Variants in DDX4 observed in about 807,000 individuals in gnomAD.
DDX4 encodes DEAD-box helicase 4, also known as probable ATP-dependent RNA helicase DDX4.
Under a neutral mutation model 100.0 loss-of-function variants are expected in DDX4, and 25 were observed. The ratio of observed to expected loss-of-function variants is 0.25; its 90% CI spans 0.18 to 0.35. DDX4 has a LOEUF of 0.35. Among genes scored for constraint, DDX4 ranks in the 10% least tolerant of loss-of-function variants. DDX4 has a pLI of 1.00. For missense variants in DDX4, 635 were observed against 882.4 expected (o/e 0.72, Z 3.55); for synonymous variants, 259 against 275.7 (o/e 0.94, Z 0.60).
At chr5:55,748,139 A>G (rs1224394911) in intron 3 of DDX4, among the ~76,000 whole-genome samples, 1 of 152,222 alleles carries the variant, frequency 6.6e-6, no homozygotes, top group East Asian at 1.9e-4. Flanking sequence ...AAATATGTTT[A>G]TCTTTTATAA....
intron 7 of DDX4, among the ~76,000 whole-genome samples, chr5:55,778,584 A>G (rs1741711176): frequency 6.6e-6 from 1 of 152,210 alleles, no homozygotes; most frequent in Admixed American, 6.5e-5. Flanking sequence ...ATATGTCAAC[A>G]AAGTTGAATA....
intron 3 of DDX4, among the ~76,000 whole-genome samples, chr5:55,754,800 T>C (rs1428709256): frequency 1.7e-4 from 25 of 150,798 alleles, no homozygotes; most frequent in African/African-American, 5.9e-4. Context: ...ATCCATCTGG[T>C]CCTGGACTCT....
At chr5:55,793,687 C>T (rs1355997986) in intron 17 of DDX4, among the ~76,000 whole-genome samples, 1 of 152,172 alleles carries the variant, frequency 6.6e-6, no homozygotes, top group African/African-American at 2.4e-5. Context: ...TGCTTGCTCT[C>T]CTGGATTCCC....
intron 17 of DDX4, among the ~76,000 whole-genome samples, chr5:55,794,773 A>G (rs1742817018): frequency 6.6e-6 from 1 of 151,388 alleles, no homozygotes; most frequent in African/African-American, 2.4e-5. Context: ...TTGCTTCCTG[A>G]CTCTCCCTCA....
intron 2 of DDX4, among the ~76,000 whole-genome samples, chr5:55,744,307 A>G (rs1759136409): frequency 6.6e-6 from 1 of 152,226 alleles, no homozygotes; most frequent in Non-Finnish European, 1.5e-5. Context: ...GTTGTAATAT[A>G]GTTAGTTGAT....
chr5:55,765,421 T>A lies in DDX4; in HGVS notation c.334+1357T>A, dbSNP rs1325463478. ...AAAAAAAAAAAAAAAAAAATATATA[T>A]ATATATATATATATATGGATTGAAT... On this transcript the variant is annotated intron_variant, in intron 6 of 21. Coordinates refer to ENST00000505374, the MANE Select transcript of DDX4 (RefSeq NM_024415.3). Among the ~76,000 whole-genome samples, 26 of 140,694 alleles carry A rather than the reference T, an allele frequency of 1.8e-4. 1 individual carries two copies. The South Asian group carries it at 5.4e-3, about 29-fold the overall frequency. 92.3% of individuals were successfully genotyped at this position (140,694 alleles called of 152,430 possible). A position where few individuals can be genotyped will look rare whatever the true frequency, so the allele number is the denominator to read the frequency against.
intron 7 of DDX4, among the ~76,000 whole-genome samples, chr5:55,776,103 G>A (rs181241970): frequency 4.6e-5 from 7 of 152,232 alleles, no homozygotes; most frequent in African/African-American, 1.7e-4. Context: ...CTGGGTGACC[G>A]AACGAGACTC....
intron 1 of DDX4, 27 bp downstream of exon 1, chr5:55,738,128 C>T (rs984067719): frequency 6.6e-6 from 1 of 152,324 alleles, no homozygotes; most frequent in Middle Eastern, 3.2e-3. Flanking sequence ...TCTACGGGAA[C>T]TGGCCTGAAC....
rs987179934 is a variant in DDX4 at position 55,801,858 on chromosome 5, C to G, written c.1615+3287C>G. Among the ~76,000 whole-genome samples, 7 of 152,176 alleles carry G rather than the reference C, an allele frequency of 4.6e-5. No homozygotes were observed. In the South Asian group the frequency reaches 1.2e-3, roughly 27 times the overall value. On this transcript the variant is annotated intron_variant, in intron 18 of 21. Coordinates refer to ENST00000505374, the MANE Select transcript of DDX4 (RefSeq NM_024415.3). ...TAGGAAACTAAGTCTCAGAAACTCT[C>G]TCTACTAGGTTTCACCTGCAGTACC... is the stretch of plus-strand genomic sequence containing the variant.
chr5:55,739,774 G>A (rs1006118935), intron 2 of DDX4, among the ~76,000 whole-genome samples: 2 of 152,062 alleles, frequency 1.3e-5, no homozygotes, highest in African/African-American at 4.8e-5. Flanking sequence ...TATAAAATAT[G>A]CAATCTTTTG....
intron 18 of DDX4, among the ~76,000 whole-genome samples, chr5:55,811,998 G>T (rs577773411): frequency 1.8e-4 from 27 of 151,802 alleles, no homozygotes; most frequent in East Asian, 3.9e-4. Context: ...AGATGTTTTG[G>T]TTTTTTTTAA....
At chr5:55,738,849 G>A (rs746702715) in intron 1 of DDX4, 101 bp from the exon 2 acceptor site, 2 of 750,230 alleles carry the variant, frequency 2.7e-6, no homozygotes, top group Non-Finnish European at 2.3e-6. Flanking sequence ...CACCTAGTTG[G>A]GTAGTTTCAA....
chr5:55,780,006 G>A lies in DDX4; in HGVS notation c.437G>A (p.Arg146Lys), dbSNP rs1408676830. 1 of 1,614,024 alleles carries A rather than the reference G, an allele frequency of 6.2e-7. No individual in the cohort carries two copies. The highest frequency in any genetic ancestry group is 1.1e-5 in the South Asian group (1 of 91,064). Residue 146 changes from arginine (R) to lysine (K), a missense_variant, in exon 8 of 22, where the codon AGA (arginine) becomes AAA (lysine). Coordinates refer to ENST00000505374, the MANE Select transcript of DDX4 (RefSeq NM_024415.3). ...AATTCAGAAGCTTCAGGGCCATACA[G>A]AAGAGGTGGAAGAGGTAGTTTCCGA... ...GNNSEASGPYRRGGRGSFRGC... is the reference protein window; with the variant it reads ...GNNSEASGPYKRGGRGSFRGC...
At chr5:55,801,261 T>C (rs1246699030) in intron 18 of DDX4, among the ~76,000 whole-genome samples, 2 of 149,968 alleles carry the variant, frequency 1.3e-5, no homozygotes, top group African/African-American at 4.9e-5. Context: ...TTTTTAAAGC[T>C]CATCAGCTAT....
chr5:55,775,041 T>C (rs1741475356), intron 7 of DDX4, among the ~76,000 whole-genome samples: 1 of 152,198 alleles, frequency 6.6e-6, no homozygotes, highest in South Asian at 2.1e-4. Flanking sequence ...TTAACCCTGG[T>C]CTTTGGTAAC....
intron 1 of DDX4, 86 bp downstream of exon 1, chr5:55,738,187 G>GGAGTAGGAGGAGTTT (rs1580496745): frequency 6.6e-6 from 1 of 152,284 alleles, no homozygotes; most frequent in African/African-American, 2.4e-5. Context: ...AAGTGTGGAT[G>GGAGTAGGAGGAGTTT]GAGTAGGAGG....
chr5:55,796,888 C>G (rs1041006109), intron 17 of DDX4, among the ~76,000 whole-genome samples: 29 of 125,672 alleles, frequency 2.3e-4, no homozygotes, highest in Admixed American at 9.2e-5. Flanking sequence ...CTCGCCCAGG[C>G]TGAAGTTCAG....
intron 2 of DDX4, among the ~76,000 whole-genome samples, chr5:55,745,553 C>T (rs1438078974): frequency 2.0e-5 from 3 of 152,130 alleles, no homozygotes; most frequent in African/African-American, 7.2e-5. Context: ...TCCCGAGTAG[C>T]TGGGACTACA....
At chr5:55,765,413 A>AATATATATATATATAT (rs397997793) in intron 6 of DDX4, among the ~76,000 whole-genome samples, 17 of 82,994 alleles carry the variant, frequency 2.0e-4, no homozygotes, top group South Asian at 7.8e-4. Flanking sequence ...AAAAAAAAAA[A>AATATATATATATATAT]ATATATATAT....
Sources: gnomAD v4.1 joint callset for allele counts (sites outside exome capture counted in the v4.1 genomes callset) on GRCh38, gnomAD v4.1.1 for gene constraint, MANE v1.5 for transcripts, NCBI Gene and HGNC (gene_info 2026-07-23, HGNC 2026-07-21) for gene names.